The following ACTR3B variants were observed in gnomAD, a reference collection of about 807,000 sequenced individuals.
The protein encoded by ACTR3B is actin related protein 3B, also known as actin-related protein 3B.
Under a neutral mutation model 59.0 loss-of-function variants are expected in ACTR3B, and 8 were observed. The ratio of observed to expected loss-of-function variants is 0.14; its 90% CI spans 0.08 to 0.24. ACTR3B has a LOEUF of 0.24. Ranked by LOEUF, ACTR3B falls within the 10% of genes least tolerant of loss-of-function variation. The pLI is 1.00. For synonymous variants in ACTR3B, 148 were observed against 197.9 expected (o/e 0.75, Z 2.12); for missense variants, 245 against 552.3 (o/e 0.44, Z 5.58).
chr7:152,850,877 CTG>C (rs1423949719), intron 9 of ACTR3B, among the ~76,000 whole-genome samples: 1 of 152,198 alleles, frequency 6.6e-6, no homozygotes, highest in Non-Finnish European at 1.5e-5. Context: ...GCAGAGAGCT[CTG>C]TAGTTGCTCA....
At chr7:152,851,553 G>A (rs1798805064) in intron 9 of ACTR3B, among the ~76,000 whole-genome samples, 1 of 152,242 alleles carries the variant, frequency 6.6e-6, no homozygotes, top group Non-Finnish European at 1.5e-5. Context: ...GGCAGGCGGA[G>A]CGGGACAGGC....
At position 152,854,461 on chromosome 7, in the gene ACTR3B, G is replaced by A. The variant is rs1334571493; in HGVS notation, c.1165G>A (p.Glu389Lys). The change falls in exon 12 of 12, where the codon GAG (glutamate) becomes AAG (lysine). Residue 389 changes from glutamate to lysine, a missense_variant. Coordinates refer to ENST00000256001, the MANE Select transcript of ACTR3B (RefSeq NM_020445.6). The surrounding 1 kb of genome is among the most constrained non-coding windows in gnomAD (Gnocchi z 4.9). ...FGGSMLASTPEFFQVCHTKKD... is the reference protein window; with the variant it reads ...FGGSMLASTPKFFQVCHTKKD... ...GTCTGCCTGTTGCCTCTCGTAGCCC[G>A]AGTTCTTTCAGGTCTGCCACACCAA... 1.2e-6 allele frequency: 2 copies of A among 1,613,966 alleles called. No individual in the cohort carries two copies. The highest frequency in any genetic ancestry group is 1.7e-6 in the Non-Finnish European group (2 of 1,179,952).
intron 6 of ACTR3B, among the ~76,000 whole-genome samples, chr7:152,818,572 T>A (rs1023622331): frequency 6.6e-6 from 1 of 152,204 alleles, no homozygotes; most frequent in African/African-American, 2.4e-5. Context: ...TGCCTCGGCC[T>A]CCTGAGTAGC....
intron 9 of ACTR3B, among the ~76,000 whole-genome samples, chr7:152,831,212 A>T (rs1243829562): frequency 6.6e-6 from 1 of 152,272 alleles, no homozygotes; most frequent in Non-Finnish European, 1.5e-5. Context: ...TGCCCAGCTC[A>T]CAAGAACATT....
At chr7:152,847,358 T>G (rs887293465) in intron 9 of ACTR3B, among the ~76,000 whole-genome samples, 4 of 152,200 alleles carry the variant, frequency 2.6e-5, no homozygotes, top group Non-Finnish European at 5.9e-5. Context: ...ATCACAGGGA[T>G]GTTTAGGCTG....
At chr7:152,803,600 A>T (rs1275277665) in intron 4 of ACTR3B, among the ~76,000 whole-genome samples, 1 of 152,116 alleles carries the variant, frequency 6.6e-6, no homozygotes, top group Non-Finnish European at 1.5e-5. Flanking sequence ...AATCTTAGGC[A>T]TGTGGAGCAA....
chr7:152,777,373 TTGTC>T (rs2098138651), intron 1 of ACTR3B, among the ~76,000 whole-genome samples: 1 of 152,180 alleles, frequency 6.6e-6, no homozygotes, highest in Non-Finnish European at 1.5e-5. Flanking sequence ...ATGTCTCTGT[TTGTC>T]TGCTTGTATG....
chr7:152,847,926 G>A (rs1000574185), intron 9 of ACTR3B, among the ~76,000 whole-genome samples: 1 of 152,164 alleles, frequency 6.6e-6, no homozygotes, highest in African/African-American at 2.4e-5. Flanking sequence ...TCTTCTAATG[G>A]CTCGCGGTGC....
intron 9 of ACTR3B, among the ~76,000 whole-genome samples, chr7:152,835,825 C>G (rs566028035): frequency 6.6e-6 from 1 of 152,186 alleles, no homozygotes; most frequent in African/African-American, 2.4e-5. Context: ...ATAGTTCTGT[C>G]TCCCTACCCG....
rs113902345 is a variant in ACTR3B, at chr7:152,810,014, A to C, written c.337-4536A>C. On this transcript the variant is annotated intron_variant, in intron 4 of 11. Coordinates refer to ENST00000256001, the MANE Select transcript of ACTR3B (RefSeq NM_020445.6). The stretch of plus-strand genomic sequence containing the variant: ...ATTTTGTAATGTTAACTATATTCAC[A>C]CTGTTGTGTAAGAGATTCTAGAACT... 2.6e-3 allele frequency among the ~76,000 whole-genome samples: 394 copies of C among 152,132 alleles called. 1 individual carries two copies. Among genetic ancestry groups the C allele is most frequent in the African/African-American group, 9.0e-3 (375 of 41,472 alleles).
rs1224788536 is a variant in ACTR3B at position 152,782,444 on chromosome 7, T to G, written c.45-743T>G. Among the ~76,000 whole-genome samples the G allele has an allele frequency of 5.9e-5, 9 of 152,124 alleles. No homozygotes were observed. In the East Asian group the frequency reaches 1.7e-3, roughly 29 times the overall value. On this transcript the variant is annotated intron_variant, in intron 1 of 11. Transcript: ENST00000256001. ...ACCCCCCCTTTTATATTTAGGAGAT[T>G]AGCAAATGCTTTTGGAACAGATAGT...
At chr7:152,850,689 A>G (rs1051300828) in intron 9 of ACTR3B, among the ~76,000 whole-genome samples, 1 of 152,252 alleles carries the variant, frequency 6.6e-6, no homozygotes, top group African/African-American at 2.4e-5. Context: ...TTTCCCCAGA[A>G]CAGCAGTAAG....
At position 152,854,825 on chromosome 7, in the gene ACTR3B, A is replaced by G. The variant is rs1799137129; in HGVS notation, c.*272A>G. Reference sequence around the variant, plus strand: ...TCCGAGCTGCTAGCTGACAAATACAATTCTGAAGGAATCCAAATGTGACTT... The same window carrying G: ...TCCGAGCTGCTAGCTGACAAATACAGTTCTGAAGGAATCCAAATGTGACTT... On this transcript the variant is annotated 3_prime_UTR_variant, in exon 12 of 12. Coordinates refer to ENST00000256001, the MANE Select transcript of ACTR3B (RefSeq NM_020445.6). The surrounding 1 kb of genome is among the most constrained non-coding windows in gnomAD (Gnocchi z 4.9). 1 of 372,584 alleles carries G rather than the reference A, an allele frequency of 2.7e-6. No homozygotes were observed. Among genetic ancestry groups the G allele is most frequent in the Non-Finnish European group, 4.9e-6 (1 of 205,346 alleles). The allele number at this position is 372,584 out of a possible 1,614,324, so 23.1% of individuals were successfully genotyped here.
chr7:152,833,394 G>A (rs1199949587), intron 9 of ACTR3B, among the ~76,000 whole-genome samples: 1 of 152,210 alleles, frequency 6.6e-6, no homozygotes, highest in Non-Finnish European at 1.5e-5. Context: ...CAGTTCAGCA[G>A]TAAAAAGCTC....
intron 2 of ACTR3B, among the ~76,000 whole-genome samples, chr7:152,788,553 C>T (rs1248121944): frequency 6.6e-6 from 1 of 151,548 alleles, no homozygotes; most frequent in East Asian, 2.0e-4. Context: ...GTTGGGACTA[C>T]AGGTGCACGC....
At chr7:152,811,368 A>G (rs1368220563) in intron 4 of ACTR3B, 2 of 149,936 alleles carry the variant, frequency 1.3e-5, no homozygotes, top group Admixed American at 1.3e-4. Context: ...TTTACCCATG[A>G]GGAGACTCAG....
intron 1 of ACTR3B, among the ~76,000 whole-genome samples, chr7:152,775,531 G>C (rs1026360910): frequency 3.3e-5 from 5 of 151,986 alleles, no homozygotes; most frequent in Non-Finnish European, 5.9e-5. Flanking sequence ...AGGCCGAGGC[G>C]GGCAGATCAC....
intron 9 of ACTR3B, among the ~76,000 whole-genome samples, chr7:152,825,764 C>T (rs1434143124): frequency 6.6e-6 from 1 of 152,178 alleles, no homozygotes; most frequent in African/African-American, 2.4e-5. Context: ...GGTTTCGTTT[C>T]ATGCATATTT....
intron 4 of ACTR3B, among the ~76,000 whole-genome samples, chr7:152,804,723 A>G (rs1435259208): frequency 6.6e-6 from 1 of 152,238 alleles, no homozygotes; most frequent in African/African-American, 2.4e-5. Context: ...GTGGGAGAAT[A>G]TGGATTTTCC....
Sources: gnomAD v4.1 joint callset for allele counts (sites outside exome capture counted in the v4.1 genomes callset) on GRCh38, gnomAD v4.1.1 for gene constraint, Gnocchi (gnomAD v3.1) non-coding constraint, MANE v1.5 for transcripts, NCBI Gene and HGNC (gene_info 2026-07-23, HGNC 2026-07-21) for gene names.